CTNND2: variants seen among roughly 807,000 people sequenced by gnomAD.
CTNND2 encodes catenin delta-2.
A neutral mutation model predicts 144.4 loss-of-function variants in CTNND2; 22 were observed. The ratio of observed to expected loss-of-function variants is 0.15; its 90% confidence interval spans 0.11 to 0.22. The LOEUF is 0.22. Among genes scored for constraint, CTNND2 ranks in the 10% least tolerant of loss-of-function variants. The pLI is 1.00. For synonymous variants in CTNND2, 751 were observed against 695.6 expected, an observed-to-expected ratio of 1.08 and a Z score of -1.25; for missense variants, 1,353 against 1,618.8, an observed-to-expected ratio of 0.84 and a Z score of 2.82.
At chr5:10,975,988 T>A (rs1736421500) in intron 21 of CTNND2, among the ~76,000 whole-genome samples, 1 of 152,228 alleles carries the variant, frequency 6.6e-6, no homozygotes, top group African/African-American at 2.4e-5. Flanking sequence ...TCTTCATTCA[T>A]CTGTACTGTT....
intron 1 of CTNND2, among the ~76,000 whole-genome samples, chr5:11,847,125 ATT>A (rs1330418677): frequency 5.9e-4 from 61 of 103,622 alleles, no homozygotes; most frequent in African/African-American, 1.2e-3. Flanking sequence ...TATGTCAAAG[ATT>A]TTATATATAT....
At chr5:11,590,396 A>G (rs888445624) in intron 2 of CTNND2, among the ~76,000 whole-genome samples, 1 of 152,150 alleles carries the variant, frequency 6.6e-6, no homozygotes, top group African/African-American at 2.4e-5. Flanking sequence ...TTCACAGTAC[A>G]TACTTTGATA....
intron 16 of CTNND2, among the ~76,000 whole-genome samples, chr5:11,079,454 C>T (rs986582743): frequency 1.3e-5 from 2 of 152,190 alleles, no homozygotes; most frequent in African/African-American, 4.8e-5. Flanking sequence ...ACTGTGTCAT[C>T]CTCTGAGAGG....
At chr5:11,898,814 G>T (rs2126335280) in intron 1 of CTNND2, among the ~76,000 whole-genome samples, 1 of 152,252 alleles carries the variant, frequency 6.6e-6, no homozygotes, top group Non-Finnish European at 1.5e-5. Flanking sequence ...CACATTTATT[G>T]TAAAAATGTT....
chr5:11,393,783 C>A (rs1561327979), intron 6 of CTNND2, among the ~76,000 whole-genome samples: 1 of 152,134 alleles, frequency 6.6e-6, no homozygotes, highest in Non-Finnish European at 1.5e-5. Context: ...TTAAATGCAA[C>A]TAACTATAGG....
At chr5:11,623,601 C>T (rs60624543) in intron 2 of CTNND2, among the ~76,000 whole-genome samples, 2,353 of 151,288 alleles carry the variant, frequency 0.016, 57 homozygotes, top group African/African-American at 0.051. Context: ...TCACATGCAA[C>T]GACACCCATA....
chr5:11,718,062 T>C (rs1356703414), intron 2 of CTNND2, among the ~76,000 whole-genome samples: 1 of 152,154 alleles, frequency 6.6e-6, no homozygotes, highest in Admixed American at 6.5e-5. Flanking sequence ...TCAATCTCAG[T>C]GGTTAAGTGT....
intron 2 of CTNND2, among the ~76,000 whole-genome samples, chr5:11,661,310 T>C (rs1355760698): frequency 6.6e-6 from 1 of 152,198 alleles, no homozygotes; most frequent in African/African-American, 2.4e-5. Flanking sequence ...AAGAGATATG[T>C]AGGCTATGGA....
At chr5:11,897,305 T>A (rs1387397586) in intron 1 of CTNND2, among the ~76,000 whole-genome samples, 1 of 152,226 alleles carries the variant, frequency 6.6e-6, no homozygotes, top group Non-Finnish European at 1.5e-5. Flanking sequence ...GGATAAAATT[T>A]GTTTTAAAAA....
chr5:11,223,389 A>G (rs1032056171), intron 10 of CTNND2, among the ~76,000 whole-genome samples: 7 of 152,242 alleles, frequency 4.6e-5, no homozygotes, highest in African/African-American at 7.2e-5. Context: ...GTTGACAGCC[A>G]GTTGGGGAAG....
intron 17 of CTNND2, among the ~76,000 whole-genome samples, chr5:11,021,219 GGA>G (rs1187670462): frequency 1.3e-5 from 2 of 152,030 alleles, no homozygotes; most frequent in Non-Finnish European, 2.9e-5. Context: ...TCATAAAGTT[GGA>G]GAGAATTAAT....
chr5:11,315,617 T>C (rs1346178310), intron 9 of CTNND2, among the ~76,000 whole-genome samples: 1 of 152,238 alleles, frequency 6.6e-6, no homozygotes, highest in Non-Finnish European at 1.5e-5. Flanking sequence ...AGCTGGGTAA[T>C]GAAAATATAC....
chr5:11,267,805 T>C (rs537646106), intron 9 of CTNND2, among the ~76,000 whole-genome samples: 3 of 152,344 alleles, frequency 2.0e-5, no homozygotes, highest in Admixed American at 2.0e-4. Flanking sequence ...GGCATTAATG[T>C]TCTTACTAGA....
chr5:11,893,179 TA>T (rs1282964058), intron 1 of CTNND2, among the ~76,000 whole-genome samples: 2 of 152,190 alleles, frequency 1.3e-5, no homozygotes, highest in African/African-American at 2.4e-5. Context: ...TGAAAGATCT[TA>T]AATCCTAGTA....
intron 2 of CTNND2, among the ~76,000 whole-genome samples, chr5:11,644,960 T>C (rs939359509): frequency 6.6e-6 from 1 of 152,132 alleles, no homozygotes; most frequent in Non-Finnish European, 1.5e-5. Flanking sequence ...ATGTATATAC[T>C]TTCACAGTAT....
At chr5:11,545,236 C>T (rs1425766252) in intron 3 of CTNND2, among the ~76,000 whole-genome samples, 1 of 150,288 alleles carries the variant, frequency 6.7e-6, no homozygotes, top group East Asian at 2.0e-4. Context: ...GAAGGAGAAT[C>T]GCTTGAACCT....
chr5:11,748,318 G>A (rs748744509), intron 1 of CTNND2, among the ~76,000 whole-genome samples: 1 of 152,062 alleles, frequency 6.6e-6, no homozygotes, highest in Non-Finnish European at 1.5e-5. Flanking sequence ...GACTTTAAAA[G>A]TAAGCTGTGC....
chr5:11,641,832 G>A (rs1235354448), intron 2 of CTNND2, among the ~76,000 whole-genome samples: 5 of 148,456 alleles, frequency 3.4e-5, no homozygotes, highest in South Asian at 2.1e-4. Flanking sequence ...ACGTATATGT[G>A]TATGTATGTA....
At chr5:11,349,951 T>C (rs2077140) in intron 8 of CTNND2, among the ~76,000 whole-genome samples, 113,315 of 152,144 alleles carry the variant, frequency 0.74, 42,919 homozygotes, top group African/African-American at 0.87. Flanking sequence ...GCCTGGTCAA[T>C]GTGGTGAAAC....
Sources: allele counts gnomAD v4.1 joint callset (sites outside exome capture counted in the v4.1 genomes callset), GRCh38; gene constraint gnomAD v4.1.1; transcripts MANE v1.5; gene names NCBI Gene and HGNC (gene_info 2026-07-23, HGNC 2026-07-21).